PFDN6: variants seen among roughly 807,000 people sequenced by gnomAD.
The protein encoded by PFDN6 is prefoldin subunit 6, also known as HLA class II region expressed gene KE2.
PFDN6 carries 5 observed loss-of-function variants against 19.3 expected under a neutral mutation model. That is an observed-to-expected ratio of 0.26 (90% confidence interval 0.14 to 0.55). The LOEUF is 0.55. Ranked by LOEUF, PFDN6 falls within the 20% of genes least tolerant of loss-of-function variation. PFDN6 has a pLI of 0.94. For synonymous variants in PFDN6, 51 were observed against 63.4 expected, an observed-to-expected ratio of 0.80 and a Z score of 0.93; for missense variants, 101 against 149.4, an observed-to-expected ratio of 0.68 and a Z score of 1.69.
upstream of PFDN6, chr6:33,289,232 G>C (rs1767051366): frequency 1.9e-6 from 3 of 1,569,962 alleles, no homozygotes; most frequent in Non-Finnish European, 2.6e-6. Context: ...CAGTCGGCTT[G>C]AAAACTCCCG....
Position 33,289,640 on chromosome 6 carries a change from G to C in PFDN6, c.-217G>C, listed in dbSNP as rs955299641. The C allele has an allele frequency of 3.6e-6, 2 of 558,822 alleles. No homozygotes were observed. Among genetic ancestry groups the C allele is most frequent in the Non-Finnish European group, 5.7e-6 (2 of 350,924 alleles). 34.6% of individuals were successfully genotyped at this position (558,822 alleles called of 1,614,324 possible). A position where few individuals can be genotyped will look rare whatever the true frequency, so the allele number is the denominator to read the frequency against. Reference sequence around the variant, plus strand: ...AAGAACGTGAGTAGGTTAGGATTTCGGTTGAGAGGCTTGGGGTCTTGCGTT... The same window carrying C: ...AAGAACGTGAGTAGGTTAGGATTTCCGTTGAGAGGCTTGGGGTCTTGCGTT... On this transcript the variant is annotated 5_prime_UTR_variant, in exon 1 of 4. Coordinates refer to ENST00000374606, the MANE Select transcript of PFDN6 (RefSeq NM_001185181.3).
chr6:33,289,823 C>G lies in PFDN6; in HGVS notation c.-34C>G. 1 of 1,551,170 alleles carries G rather than the reference C, an allele frequency of 6.4e-7. No individual in the cohort carries two copies. The highest frequency in any genetic ancestry group is 8.7e-7 in the Non-Finnish European group (1 of 1,146,954). On this transcript the variant is annotated 5_prime_UTR_variant, in exon 1 of 4. Coordinates refer to ENST00000374606, the MANE Select transcript of PFDN6 (RefSeq NM_001185181.3). ...CTTCCAGAGAGTGAGACCCAGCGCC[C>G]TTGTCTCGCACCCAGTAGGCTTTCA...
chr6:33,289,813 A>G lies in PFDN6; in HGVS notation c.-44A>G. On this transcript the variant is annotated 5_prime_UTR_variant, in exon 1 of 4. Transcript: ENST00000374606. The stretch of plus-strand genomic sequence containing the variant: ...GCTCAGGTACCTTCCAGAGAGTGAG[A>G]CCCAGCGCCCTTGTCTCGCACCCAG... 1.3e-6 allele frequency: 2 copies of G among 1,502,750 alleles called. No homozygotes were observed. The highest frequency in any genetic ancestry group is 2.3e-5 in the East Asian group (1 of 44,006). 93.1% of individuals were successfully genotyped at this position (1,502,750 alleles called of 1,614,324 possible). A position where few individuals can be genotyped will look rare whatever the true frequency, so the allele number is the denominator to read the frequency against.
At chr6:33,290,076 T>C (rs1767183608) in intron 1 of PFDN6, 98 bp from the exon 2 acceptor site, 2 of 1,399,538 alleles carry the variant, frequency 1.4e-6, no homozygotes, top group Non-Finnish European at 2.0e-6. Context: ...GCTGCCCCCA[T>C]CCTTTTCTGC....
In PFDN6 at chr6:33,289,668, G is replaced by T; in HGVS notation, c.-189G>T. 1.8e-6 allele frequency: 1 copy of T among 547,142 alleles called. No homozygotes were observed. Among genetic ancestry groups the T allele is most frequent in the Non-Finnish European group, 3.0e-6 (1 of 335,542 alleles). 33.9% of individuals were successfully genotyped at this position (547,142 alleles called of 1,614,324 possible). A position where few individuals can be genotyped will look rare whatever the true frequency, so the allele number is the denominator to read the frequency against. Reference sequence around the variant, plus strand: ...TGAGAGGCTTGGGGTCTTGCGTTTCGCCCACCATCTCCTGGGGACAGGGTG... The same window carrying T: ...TGAGAGGCTTGGGGTCTTGCGTTTCTCCCACCATCTCCTGGGGACAGGGTG... On this transcript the variant is annotated 5_prime_UTR_variant, in exon 1 of 4. Transcript: ENST00000374606.
In PFDN6 at chr6:33,290,129, G is replaced by A. The variant is rs750841175; in HGVS notation, c.65-45G>A. ...CACCTGACTAGGATTGTGGGGATAG[G>A]TGGCACATTTGATGTTTCTAAATTG... On this transcript the variant is annotated intron_variant, in intron 1 of 3. Coordinates refer to ENST00000374606, the MANE Select transcript of PFDN6 (RefSeq NM_001185181.3). 30 of 1,590,114 alleles carry A rather than the reference G, an allele frequency of 1.9e-5. No individual in the cohort carries two copies. The African/African-American group carries it at 2.4e-4, about 13-fold the overall frequency.
chr6:33,289,850 C>A lies in PFDN6; in HGVS notation c.-7C>A. ...TGTCTCGCACCCAGTAGGCTTTCATCCCCGCCATGGCGGAGCTGATCCAGA... is the reference window on the plus strand; with the variant it reads ...TGTCTCGCACCCAGTAGGCTTTCATACCCGCCATGGCGGAGCTGATCCAGA... On this transcript the variant is annotated 5_prime_UTR_variant, in exon 1 of 4. Transcript: ENST00000374606. The A allele has an allele frequency of 6.3e-7, 1 of 1,590,412 alleles. No individual in the cohort carries two copies. The highest frequency in any genetic ancestry group is 8.5e-7 in the Non-Finnish European group (1 of 1,169,940).
At position 33,290,892 on chromosome 6, in the gene PFDN6, C is replaced by G. The variant is rs1463871219; in HGVS notation, c.*47C>G. 1 of 1,526,978 alleles carries G rather than the reference C, an allele frequency of 6.5e-7. No homozygotes were observed. The highest frequency in any genetic ancestry group is 1.2e-5 in the South Asian group (1 of 85,906). 94.6% of individuals were successfully genotyped at this position (1,526,978 alleles called of 1,614,324 possible). ...GGGGAGGGGAGGGAATGAGGCAGCT[C>G]TAGGATCTATACTGTAGCTAATAAA... On this transcript the variant is annotated 3_prime_UTR_variant, in exon 4 of 4. Coordinates refer to ENST00000374606, the MANE Select transcript of PFDN6 (RefSeq NM_001185181.3).
At position 33,290,345 on chromosome 6, in the gene PFDN6, G is replaced by C; in HGVS notation, c.155G>C (p.Gly52Ala). Residue 52 changes from glycine to alanine, a missense_variant, in exon 3 of 4, where the codon GGG (glycine) becomes GCG (alanine). By Grantham distance (60) the Gly-to-Ala change is moderately conservative. This residue lies in a region of PFDN6 where 54 missense variants were observed against 108.8 expected (regional missense o/e 0.50). Coordinates refer to ENST00000374606, the MANE Select transcript of PFDN6 (RefSeq NM_001185181.3). ...CATCAGGAACTGGCCCTGCTGGATG[G>C]GTCCAACGTGGTCTTTAAACTTCTG... ...IVKEELALLD[G>A]SNVVFKLLGP... 1 of 1,609,502 alleles carries C rather than the reference G, an allele frequency of 6.2e-7. No individual in the cohort carries two copies. The highest frequency in any genetic ancestry group is 8.5e-7 in the Non-Finnish European group (1 of 1,177,076).
rs1249068716 is a variant in PFDN6 at position 33,290,089 on chromosome 6, C to G, written c.65-85C>G. The G allele has an allele frequency of 4.1e-6, 6 of 1,457,228 alleles. No homozygotes were observed. In the African/African-American group the frequency reaches 8.3e-5, roughly 20 times the overall value. The allele number at this position is 1,457,228 out of a possible 1,614,324, so 90.3% of individuals were successfully genotyped here. A position where few individuals can be genotyped will look rare whatever the true frequency, so the allele number is the denominator to read the frequency against. ...CCGCTGCCCCCATCCTTTTCTGCTT[C>G]CTCAGATCCATATCCACCTGACTAG... On this transcript the variant is annotated intron_variant, in intron 1 of 3. Coordinates refer to ENST00000374606, the MANE Select transcript of PFDN6 (RefSeq NM_001185181.3).
At position 33,289,711 on chromosome 6, in the gene PFDN6, G is replaced by C. The variant is rs572812922; in HGVS notation, c.-146G>C. 1.1e-5 allele frequency: 7 copies of C among 616,528 alleles called. No individual in the cohort carries two copies. Among genetic ancestry groups the C allele is most frequent in the Admixed American group, 7.3e-5 (2 of 27,400 alleles). 38.2% of individuals were successfully genotyped at this position (616,528 alleles called of 1,614,324 possible). On this transcript the variant is annotated 5_prime_UTR_variant, in exon 1 of 4. Transcript: ENST00000374606. ...ACAGGGTGGAGTCGATATCCGGGAC[G>C]GGGGGGAGGTTGCGGTGCCCCTCAG...
chr6:33,289,314 G>T (rs1246809245), upstream of PFDN6: 30 of 1,447,630 alleles, frequency 2.1e-5, no homozygotes, highest in Non-Finnish European at 2.5e-5. Flanking sequence ...CTTGAGTGAG[G>T]GCACGCTCTC....
Position 33,289,690 on chromosome 6 carries a change from G to T in PFDN6, c.-167G>T. On this transcript the variant is annotated 5_prime_UTR_variant, in exon 1 of 4. Coordinates refer to ENST00000374606, the MANE Select transcript of PFDN6 (RefSeq NM_001185181.3). Reference sequence around the variant, plus strand: ...TTCGCCCACCATCTCCTGGGGACAGGGTGGAGTCGATATCCGGGACGGGGG... The same window carrying T: ...TTCGCCCACCATCTCCTGGGGACAGTGTGGAGTCGATATCCGGGACGGGGG... The T allele has an allele frequency of 1.7e-6, 1 of 599,048 alleles. No homozygotes were observed. Among genetic ancestry groups the T allele is most frequent in the South Asian group, 3.1e-5 (1 of 31,774 alleles). The allele number at this position is 599,048 out of a possible 1,614,324, so 37.1% of individuals were successfully genotyped here.
chr6:33,289,382 T>G (rs1361202963), upstream of PFDN6: 5 of 1,330,384 alleles, frequency 3.8e-6, no homozygotes, highest in Non-Finnish European at 4.8e-6. Context: ...TATGCAAGAG[T>G]GATTTAAAAA....
At chr6:33,290,071 C>G in intron 1 of PFDN6, 103 bp from the exon 2 acceptor site, 1 of 1,371,208 alleles carries the variant, frequency 7.3e-7, no homozygotes, top group Non-Finnish European at 1.0e-6. Flanking sequence ...CACCCGCTGC[C>G]CCCATCCTTT....
upstream of PFDN6, chr6:33,289,322 C>A: frequency 7.0e-7 from 1 of 1,438,544 alleles, no homozygotes; most frequent in South Asian, 1.5e-5. Flanking sequence ...AGGGCACGCT[C>A]TCCTTAGAGG....
At chr6:33,290,133 C>T (rs1480550690) in intron 1 of PFDN6, 41 bp from the exon 2 acceptor site, 2 of 1,595,720 alleles carry the variant, frequency 1.3e-6, no homozygotes, top group Non-Finnish European at 1.7e-6. Flanking sequence ...GGATAGGTGG[C>T]ACATTTGATG....
intron 3 of PFDN6, 51 bp from the exon 4 acceptor site, chr6:33,290,665 T>C: frequency 6.3e-7 from 1 of 1,597,630 alleles, no homozygotes; most frequent in Admixed American, 1.7e-5. Context: ...CTCTCCATAG[T>C]GAGTCCTACT....
At chr6:33,289,201 A>G (rs370104675), upstream of PFDN6, 8 of 1,601,054 alleles carry the variant, frequency 5.0e-6, no homozygotes, top group Non-Finnish European at 6.8e-6. Flanking sequence ...TCCACGTGCA[A>G]AACTCCTCTC....
Sources: gnomAD v4.1 joint callset for allele counts on GRCh38, gnomAD v4.1.1 for gene constraint, gnomAD v4.1.1 regional missense constraint, MANE v1.5 for transcripts, NCBI Gene and HGNC (gene_info 2026-07-23, HGNC 2026-07-21) for gene names.